The following INPP5D variants were observed in gnomAD, a reference collection of about 807,000 sequenced individuals.
INPP5D encodes the protein inositol polyphosphate-5-phosphatase D.
In INPP5D, 33 loss-of-function variants were observed where a neutral mutation model predicts 122.9. The ratio of observed to expected loss-of-function variants is 0.27; its 90% CI spans 0.20 to 0.36. The LOEUF (loss-of-function observed/expected upper bound fraction) is 0.36, where lower values mean the gene tolerates loss of function less well. Among genes scored for constraint, INPP5D ranks in the 10% least tolerant of loss-of-function variants. The pLI, the probability that INPP5D is intolerant of heterozygous loss-of-function variation, is 1.00. For synonymous variants in INPP5D, 584 were observed against 576.2 expected (o/e 1.01, Z -0.19); for missense variants, 1,053 against 1,412.7 (o/e 0.75, Z 4.08).
intron 5 of INPP5D, among the ~76,000 whole-genome samples, 162 bp from the exon 6 acceptor site, chr2:233,139,680 C>A (rs2106273075): frequency 6.6e-6 from 1 of 152,360 alleles, no homozygotes; most frequent in South Asian, 2.1e-4. Context: ...TGGGCCAGTG[C>A]TGGCAAGCCT....
At position 233,105,101 on chromosome 2, in the gene INPP5D, C is replaced by G. The variant is rs1166414366; in HGVS notation, c.199-17006C>G. Among the ~76,000 whole-genome samples the G allele has an allele frequency of 6.6e-6, 1 of 152,174 alleles. No homozygotes were observed. The highest frequency in any genetic ancestry group is 1.5e-5 in the Non-Finnish European group (1 of 68,032). Reference sequence around the variant, plus strand: ...GACCTCCCGGGTTTCTCCTGGATTTCCCCATAGGTGAGGTGGTTCCAGTGC... The same window carrying G: ...GACCTCCCGGGTTTCTCCTGGATTTGCCCATAGGTGAGGTGGTTCCAGTGC... On this transcript the variant is annotated intron_variant, in intron 2 of 26. Transcript: ENST00000445964. The surrounding 1 kb of genome is among the most constrained non-coding windows in gnomAD (Gnocchi z 4.0).
chr2:233,081,857 T>G (rs983249324), intron 2 of INPP5D, among the ~76,000 whole-genome samples: 1 of 152,084 alleles, frequency 6.6e-6, no homozygotes, highest in Admixed American at 6.6e-5. Flanking sequence ...TCCCCAGTCC[T>G]AAGAAGGAGT....
At chr2:233,127,447 GC>G (rs1424326594) in intron 4 of INPP5D, among the ~76,000 whole-genome samples, 1 of 152,206 alleles carries the variant, frequency 6.6e-6, no homozygotes, top group African/African-American at 2.4e-5. Flanking sequence ...ATAGAGGACT[GC>G]CTTTTGATTA....
chr2:233,069,211 A>G (rs944111162), intron 1 of INPP5D, among the ~76,000 whole-genome samples: 10 of 152,236 alleles, frequency 6.6e-5, no homozygotes, highest in African/African-American at 2.2e-4. Context: ...TACTTACTGT[A>G]AACAACCCCA....
At chr2:233,193,564 T>C (rs1002205953) in intron 22 of INPP5D, among the ~76,000 whole-genome samples, 5 of 152,222 alleles carry the variant, frequency 3.3e-5, no homozygotes, top group African/African-American at 1.2e-4. Flanking sequence ...AGCGATCAGA[T>C]GAGTGTTTAA....
intron 2 of INPP5D, among the ~76,000 whole-genome samples, chr2:233,109,648 G>A (rs146054320): frequency 0.017 from 2,606 of 151,966 alleles, 60 homozygotes; most frequent in African/African-American, 0.055. Context: ...GCGCGATCTC[G>A]GCTCACTGCA....
Position 233,060,356 on chromosome 2 carries a change from C to T in INPP5D, c.-123C>T. 1 of 1,141,702 alleles carries T rather than the reference C, an allele frequency of 8.8e-7. No homozygotes were observed. The highest frequency in any genetic ancestry group is 1.2e-6 in the Non-Finnish European group (1 of 818,092). The allele number at this position is 1,141,702 out of a possible 1,614,324, so 70.7% of individuals were successfully genotyped here. A position where few individuals can be genotyped will look rare whatever the true frequency, so the allele number is the denominator to read the frequency against. Reference sequence around the variant, plus strand: ...GGAAGTCAGTCAGTTAAGCTGGTGGCAGCAGCCGAGGCCACCAAGAGGCAA... The same window carrying T: ...GGAAGTCAGTCAGTTAAGCTGGTGGTAGCAGCCGAGGCCACCAAGAGGCAA... On this transcript the variant is annotated 5_prime_UTR_variant, in exon 1 of 27. Coordinates refer to ENST00000445964, the MANE Select transcript of INPP5D (RefSeq NM_001017915.3).
chr2:233,130,387 G>T, intron 4 of INPP5D, 121 bp from the exon 5 acceptor site: 1 of 1,074,224 alleles, frequency 9.3e-7, no homozygotes. Context: ...TTCTTCTGAA[G>T]GACGGTGTCC....
intron 6 of INPP5D, among the ~76,000 whole-genome samples, chr2:233,144,651 T>TA (rs1461891256): frequency 4.7e-3 from 291 of 62,354 alleles, no homozygotes; most frequent in Non-Finnish European, 7.8e-3. Flanking sequence ...GTGGGAGTGA[T>TA]GGGGTAGAGA....
intron 6 of INPP5D, among the ~76,000 whole-genome samples, chr2:233,142,713 CT>C (rs1444652516): frequency 2.0e-5 from 3 of 151,302 alleles, no homozygotes; most frequent in East Asian, 1.9e-4. Context: ...CGCCCACTTC[CT>C]TTTTTTTTGA....
In INPP5D at chr2:233,199,697, C is replaced by T. The variant is rs374467925; in HGVS notation, c.2975+1321C>T. Among the ~76,000 whole-genome samples the T allele has an allele frequency of 6.7e-4, 100 of 149,888 alleles. 1 individual carries two copies. The South Asian group carries it at 0.021, about 31-fold the overall frequency. Reference sequence around the variant, plus strand: ...ACAAAAAATTAGCTAGATGTGCTGGCACGCACCTGTAGTCCCAGCTACTCG... The same window carrying T: ...ACAAAAAATTAGCTAGATGTGCTGGTACGCACCTGTAGTCCCAGCTACTCG... On this transcript the variant is annotated intron_variant, in intron 25 of 26. Coordinates refer to ENST00000445964, the MANE Select transcript of INPP5D (RefSeq NM_001017915.3).
Position 233,113,146 on chromosome 2 carries a change from A to G in INPP5D, c.199-8961A>G, listed in dbSNP as rs575390522. On this transcript the variant is annotated intron_variant, in intron 2 of 26. Transcript: ENST00000445964. ...AAGGGTAATCCCCTTCTTGGATTAC[A>G]TGCTTATTCCCCTGTGTATACCCTG... 2.3e-3 allele frequency among the ~76,000 whole-genome samples: 355 copies of G among 152,226 alleles called. 2 individuals are homozygous for G. The highest frequency in any genetic ancestry group is 7.1e-3 in the African/African-American group (297 of 41,560).
chr2:233,169,166 C>T, intron 13 of INPP5D, 139 bp from the exon 14 acceptor site: 1 of 1,301,720 alleles, frequency 7.7e-7, no homozygotes, highest in Non-Finnish European at 1.0e-6. Flanking sequence ...GCGGCTCCCA[C>T]CCTGCACGAC....
intron 2 of INPP5D, among the ~76,000 whole-genome samples, chr2:233,121,896 T>C (rs2106255668): frequency 6.6e-6 from 1 of 152,294 alleles, no homozygotes; most frequent in African/African-American, 2.4e-5. Context: ...CGATCCTCTG[T>C]GTGCCTTTTG....
intron 2 of INPP5D, among the ~76,000 whole-genome samples, chr2:233,090,187 A>C (rs1691954773): frequency 6.6e-6 from 1 of 152,142 alleles, no homozygotes; most frequent in African/African-American, 2.4e-5. Flanking sequence ...GCTTCTATTG[A>C]CCACTCAGTG....
chr2:233,111,593 G>C (rs192471812), intron 2 of INPP5D, among the ~76,000 whole-genome samples: 1 of 152,276 alleles, frequency 6.6e-6, no homozygotes, highest in East Asian at 1.9e-4. Flanking sequence ...ACATGGCCCG[G>C]ATTCTGCGTT....
At chr2:233,185,713 A>T (rs1179235977) in intron 20 of INPP5D, 130 bp from the exon 21 acceptor site, 17 of 991,248 alleles carry the variant, frequency 1.7e-5, no homozygotes, top group Non-Finnish European at 2.0e-5. Context: ...AGGCCCCGAG[A>T]TAAAAAAAAA....
At position 233,204,648 on chromosome 2, in the gene INPP5D, G is replaced by C; in HGVS notation, c.3498G>C (p.Glu1166Asp). 6.3e-7 allele frequency: 1 copy of C among 1,584,296 alleles called. No homozygotes were observed. Among genetic ancestry groups the C allele is most frequent in the Non-Finnish European group, 8.6e-7 (1 of 1,166,474 alleles). Residue 1166 changes from glutamate (E) to aspartate (D), a missense_variant, in exon 26 of 27, where the codon GAG (glutamate) becomes GAC (aspartate). Coordinates refer to ENST00000445964, the MANE Select transcript of INPP5D (RefSeq NM_001017915.3). ...SKGRDYRDNTELPHHGKHRPE... is the reference protein window; with the variant it reads ...SKGRDYRDNTDLPHHGKHRPE... ...GCCGCGACTACCGCGACAACACCGA[G>C]CTCCCGCATCACGGCAAGCACCGGC...
At chr2:233,171,335 T>G (rs1694490104) in intron 17 of INPP5D, 183 bp downstream of exon 17, 1 of 816,922 alleles carries the variant, frequency 1.2e-6, no homozygotes, top group Admixed American at 3.4e-5. Flanking sequence ...TGCACTGCTT[T>G]GAGCTGGGAA....
Sources: allele counts gnomAD v4.1 joint callset (sites outside exome capture counted in the v4.1 genomes callset), GRCh38; gene constraint gnomAD v4.1.1; non-coding constraint Gnocchi (gnomAD v3.1); transcripts MANE v1.5; gene names NCBI Gene and HGNC (gene_info 2026-07-23, HGNC 2026-07-21).